Variants in SORCS3 observed in about 807,000 individuals in gnomAD.
SORCS3 encodes the protein VPS10 domain-containing receptor SorCS3.
SORCS3 carries 57 observed loss-of-function variants against 146.3 expected under a neutral mutation model. The observed-to-expected ratio is 0.39, with a 90% CI of 0.31 to 0.49. The LOEUF (loss-of-function observed/expected upper bound fraction) is 0.49, where lower values mean the gene tolerates loss of function less well. Among genes scored for constraint, SORCS3 ranks in the 20% least tolerant of loss-of-function variants. The pLI, the probability that SORCS3 is intolerant of heterozygous loss-of-function variation, is 0.92. For missense variants in SORCS3, 1,341 were observed against 1,575.5 expected, an observed-to-expected ratio of 0.85 and a Z score of 2.52; for synonymous variants, 653 against 618.5, an observed-to-expected ratio of 1.06 and a Z score of -0.83.
At chr10:105,240,290 T>C (rs370815860) in intron 20 of SORCS3, among the ~76,000 whole-genome samples, 8 of 152,292 alleles carry the variant, frequency 5.3e-5, no homozygotes, top group African/African-American at 1.9e-4. Context: ...GGGCCATGTA[T>C]GCTACTGAGA....
At chr10:105,043,722 A>G (rs1250240223) in intron 5 of SORCS3, among the ~76,000 whole-genome samples, 1 of 152,052 alleles carries the variant, frequency 6.6e-6, no homozygotes, top group Non-Finnish European at 1.5e-5. Context: ...AACTTATTTC[A>G]CTACAGAATC....
At chr10:104,797,156 T>G (rs1339940375) in intron 1 of SORCS3, among the ~76,000 whole-genome samples, 1 of 152,226 alleles carries the variant, frequency 6.6e-6, no homozygotes, top group Non-Finnish European at 1.5e-5. Flanking sequence ...TTTCCCATTT[T>G]TTTCCTCCTT....
At chr10:104,735,741 G>C (rs1224433380) in intron 1 of SORCS3, among the ~76,000 whole-genome samples, 1 of 152,014 alleles carries the variant, frequency 6.6e-6, no homozygotes, top group Non-Finnish European at 1.5e-5. Context: ...TGAGCATTCC[G>C]ATAAGGATTT....
chr10:104,844,265 C>G (rs1324202099), intron 2 of SORCS3, among the ~76,000 whole-genome samples: 2 of 152,104 alleles, frequency 1.3e-5, no homozygotes, highest in Non-Finnish European at 2.9e-5. Flanking sequence ...CCTCAGAAAC[C>G]TCCCTTCAAG....
chr10:104,747,083 A>T (rs2016919978), intron 1 of SORCS3, among the ~76,000 whole-genome samples: 2 of 152,214 alleles, frequency 1.3e-5, no homozygotes, highest in African/African-American at 4.8e-5. Flanking sequence ...AGGGTGGCTC[A>T]CTTCCTTCAA....
intron 25 of SORCS3, among the ~76,000 whole-genome samples, chr10:105,257,743 A>G (rs1013601039): frequency 2.6e-5 from 4 of 152,196 alleles, no homozygotes; most frequent in Admixed American, 1.3e-4. Flanking sequence ...GGTTTGCTAC[A>G]TGATTTAAAT....
chr10:104,657,658 A>G (rs999120116), intron 1 of SORCS3, among the ~76,000 whole-genome samples: 2 of 152,222 alleles, frequency 1.3e-5, no homozygotes, highest in African/African-American at 4.8e-5. Flanking sequence ...CAGGCTAATC[A>G]GATTCCAGCA....
At chr10:104,937,244 G>A (rs185036591) in intron 3 of SORCS3, among the ~76,000 whole-genome samples, 20 of 152,304 alleles carry the variant, frequency 1.3e-4, no homozygotes, top group Admixed American at 4.6e-4. Context: ...CTGCTGTGCA[G>A]CCCAGTTCCT....
chr10:105,242,641 T>C (rs1278395688), intron 20 of SORCS3, among the ~76,000 whole-genome samples: 1 of 84,084 alleles, frequency 1.2e-5, no homozygotes, highest in Non-Finnish European at 2.1e-5. Context: ...TATACATTTA[T>C]ATATATATTT....
At position 104,751,679 on chromosome 10, in the gene SORCS3, C is replaced by G. The variant is rs1200075729; in HGVS notation, c.628-91113C>G. On this transcript the variant is annotated intron_variant, in intron 1 of 26. Coordinates refer to ENST00000369701, the MANE Select transcript of SORCS3 (RefSeq NM_014978.3). Reference sequence around the variant, plus strand: ...TGAAATGAGAGGCTAAAATCAGGATCCCTTTCATTCATGACATTCTGTGAT... The same window carrying G: ...TGAAATGAGAGGCTAAAATCAGGATGCCTTTCATTCATGACATTCTGTGAT... 2.6e-5 allele frequency among the ~76,000 whole-genome samples: 4 copies of G among 151,854 alleles called. No homozygotes were observed. In the East Asian group the frequency reaches 5.8e-4, roughly 22 times the overall value.
chr10:105,055,893 A>G (rs2055442802), intron 5 of SORCS3, among the ~76,000 whole-genome samples: 1 of 152,192 alleles, frequency 6.6e-6, no homozygotes. Flanking sequence ...CAAACTAAAG[A>G]TTGTGTTGTA....
chr10:104,954,708 CT>C (rs1235712744), intron 3 of SORCS3, among the ~76,000 whole-genome samples: 1 of 152,196 alleles, frequency 6.6e-6, no homozygotes, highest in Non-Finnish European at 1.5e-5. Context: ...ACAAGTTTCA[CT>C]AGCCAGTAGC....
intron 2 of SORCS3, among the ~76,000 whole-genome samples, chr10:104,907,414 C>T (rs1366809836): frequency 2.6e-5 from 4 of 152,168 alleles, no homozygotes; most frequent in Non-Finnish European, 4.4e-5. Flanking sequence ...TCAGTGAGAA[C>T]TAATGTGTTC....
rs55880149 is a variant in SORCS3 at position 104,952,255 on chromosome 10, GAAAAAAAAAAAAAAAAAA to G, written c.796-25065_796-25048del. 8.1e-4 allele frequency among the ~76,000 whole-genome samples: 33 copies of G among 40,628 alleles called. No individual in the cohort carries two copies. The East Asian group carries it at 0.017, about 21-fold the overall frequency. The allele number at this position is 40,628 out of a possible 152,430, so 26.7% of individuals were successfully genotyped here. On this transcript the variant is annotated intron_variant, in intron 3 of 26. Coordinates refer to ENST00000369701, the MANE Select transcript of SORCS3 (RefSeq NM_014978.3). Reference sequence around the variant, plus strand: ...GTGATTCTGGTGCACATGAATGTTTGAAAAAAAAAAAAAAAAAAAAAAAAAAAAAAAATCACAGCATGA... The same window carrying G: ...GTGATTCTGGTGCACATGAATGTTTGAAAAAAAAAAAAAATCACAGCATGA...
chr10:105,065,422 T>C (rs1221653361), intron 5 of SORCS3, among the ~76,000 whole-genome samples: 1 of 151,856 alleles, frequency 6.6e-6, no homozygotes. Flanking sequence ...AAAATCAGTC[T>C]GGGAAAATGA....
At chr10:104,712,625 A>T (rs1819650010) in intron 1 of SORCS3, among the ~76,000 whole-genome samples, 1 of 152,186 alleles carries the variant, frequency 6.6e-6, no homozygotes. Flanking sequence ...AAGGGCCAGT[A>T]TGTCTAGGGA....
chr10:105,107,584 T>C (rs2055831336), intron 7 of SORCS3, among the ~76,000 whole-genome samples: 1 of 152,170 alleles, frequency 6.6e-6, no homozygotes, highest in Admixed American at 6.6e-5. Flanking sequence ...TTAATTAGCA[T>C]CAATTTTTAT....
chr10:105,098,625 G>A (rs865924893), intron 6 of SORCS3, among the ~76,000 whole-genome samples: 2 of 152,190 alleles, frequency 1.3e-5, no homozygotes, highest in Middle Eastern at 3.2e-3. Context: ...CTGTGCCTCA[G>A]TTTCCTCTGC....
intron 14 of SORCS3, among the ~76,000 whole-genome samples, chr10:105,196,353 C>T (rs1425117220): frequency 2.0e-5 from 3 of 152,212 alleles, no homozygotes; most frequent in African/African-American, 7.2e-5. Flanking sequence ...CCTGTAATCC[C>T]AGCACTTTGG....
Sources: gnomAD v4.1 joint callset for allele counts (sites outside exome capture counted in the v4.1 genomes callset) on GRCh38, gnomAD v4.1.1 for gene constraint, MANE v1.5 for transcripts, NCBI Gene and HGNC (gene_info 2026-07-23, HGNC 2026-07-21) for gene names.